PROS1: variants seen among roughly 807,000 people sequenced by gnomAD.
The protein encoded by PROS1 is protein S, also known as vitamin K-dependent protein S.
PROS1 carries 29 observed loss-of-function variants against 75.9 expected under a neutral mutation model. That is an observed-to-expected ratio of 0.38 (90% confidence interval 0.28 to 0.52). The LOEUF is 0.52. Among genes scored for constraint, PROS1 ranks in the 20% least tolerant of loss-of-function variants. The pLI, the probability that PROS1 is intolerant of heterozygous loss-of-function variation, is 0.83. For missense variants in PROS1, 680 were observed against 810.3 expected, an observed-to-expected ratio of 0.84 and a Z score of 1.95; for synonymous variants, 245 against 280.6, an observed-to-expected ratio of 0.87 and a Z score of 1.27.
intron 1 of PROS1, among the ~76,000 whole-genome samples, chr3:93,954,853 C>T (rs1709571618): frequency 6.6e-6 from 1 of 152,172 alleles, no homozygotes; most frequent in Non-Finnish European, 1.5e-5. Flanking sequence ...TATCCAGAAT[C>T]TACAAAGAAC....
At chr3:93,909,844 T>C (rs1340126667) in intron 4 of PROS1, among the ~76,000 whole-genome samples, 1 of 152,116 alleles carries the variant, frequency 6.6e-6, no homozygotes, top group Non-Finnish European at 1.5e-5. Flanking sequence ...ATACATTAGG[T>C]ATTAGTTTAA....
intron 9 of PROS1, among the ~76,000 whole-genome samples, chr3:93,895,232 G>A (rs532157537): frequency 1.8e-4 from 27 of 152,066 alleles, no homozygotes; most frequent in Admixed American, 6.6e-4. Flanking sequence ...ACCCGAGGTT[G>A]GTTAAATCCA....
At chr3:93,939,005 A>T (rs1256334045) in intron 1 of PROS1, among the ~76,000 whole-genome samples, 2 of 151,830 alleles carry the variant, frequency 1.3e-5, no homozygotes, top group African/African-American at 4.8e-5. Flanking sequence ...CTCCTTCACT[A>T]TGGGCAACCT....
At chr3:93,951,261 C>A (rs1010371205) in intron 1 of PROS1, among the ~76,000 whole-genome samples, 1 of 152,120 alleles carries the variant, frequency 6.6e-6, no homozygotes, top group African/African-American at 2.4e-5. Flanking sequence ...AAAGACACTC[C>A]TCGAGAAGAG....
chr3:93,878,873 T>C (rs994614313), intron 13 of PROS1, among the ~76,000 whole-genome samples: 1 of 152,068 alleles, frequency 6.6e-6, no homozygotes, highest in African/African-American at 2.4e-5. Flanking sequence ...CTCGGATGGC[T>C]CCAAGCAGCC....
rs1323948760 is a variant in PROS1 at position 93,910,496 on chromosome 3, C to G, written c.346+123G>C. ...AATGCAGTTTGAAAATACTTCCTTG[C>G]TGGGCATACAACCCATCAAAGGATC... On this transcript the variant is annotated intron_variant, in intron 4 of 14. Transcript: ENST00000394236. 21 of 789,160 alleles carry G rather than the reference C, an allele frequency of 2.7e-5. No homozygotes were observed. In the Admixed American group the frequency reaches 4.2e-4, roughly 16 times the overall value. 48.9% of individuals were successfully genotyped at this position (789,160 alleles called of 1,614,324 possible). A position where few individuals can be genotyped will look rare whatever the true frequency, so the allele number is the denominator to read the frequency against.
At chr3:93,918,604 C>A (rs1367427353) in intron 3 of PROS1, among the ~76,000 whole-genome samples, 1 of 152,126 alleles carries the variant, frequency 6.6e-6, no homozygotes, top group Non-Finnish European at 1.5e-5. Context: ...GTAACACTCA[C>A]CGCGAGGGTC....
At chr3:93,935,697 T>G (rs183338397) in intron 1 of PROS1, among the ~76,000 whole-genome samples, 1 of 152,246 alleles carries the variant, frequency 6.6e-6, no homozygotes, top group African/African-American at 2.4e-5. Flanking sequence ...TTAAAGTGCT[T>G]ATTTGCAAGT....
intron 1 of PROS1, among the ~76,000 whole-genome samples, chr3:93,936,919 T>C (rs1252715341): frequency 6.6e-6 from 1 of 152,196 alleles, no homozygotes; most frequent in Non-Finnish European, 1.5e-5. Flanking sequence ...ATGTTTTTTG[T>C]TTAAAAAATA....
intron 14 of PROS1, among the ~76,000 whole-genome samples, chr3:93,875,266 AT>A (rs1348297494): frequency 2.6e-5 from 4 of 151,946 alleles, no homozygotes; most frequent in Non-Finnish European, 4.4e-5. Flanking sequence ...AAAATCATTC[AT>A]TTCTCTTGGG....
chr3:93,895,912 C>T (rs1386961148), intron 9 of PROS1, among the ~76,000 whole-genome samples: 1 of 151,876 alleles, frequency 6.6e-6, no homozygotes, highest in Non-Finnish European at 1.5e-5. Flanking sequence ...TGCAGTGAGC[C>T]GAGATTGCGC....
chr3:93,889,366 A>G (rs927001954), intron 10 of PROS1, among the ~76,000 whole-genome samples: 1 of 152,208 alleles, frequency 6.6e-6, no homozygotes, highest in Non-Finnish European at 1.5e-5. Context: ...ATTAGCACAT[A>G]GAAGTGCCAA....
At position 93,959,443 on chromosome 3, in the gene PROS1, A is replaced by G. The variant is rs373656036; in HGVS notation, c.76+14231T>C. Among the ~76,000 whole-genome samples, 3 of 152,296 alleles carry G rather than the reference A, an allele frequency of 2.0e-5. No individual in the cohort carries two copies. The East Asian group carries it at 5.8e-4, about 29-fold the overall frequency. Reference sequence around the variant, plus strand: ...ACTGGAGACCTTCTCCACAAGCTGCATTCTCTTGCCATGGTGCTCAGCTTT... The same window carrying G: ...ACTGGAGACCTTCTCCACAAGCTGCGTTCTCTTGCCATGGTGCTCAGCTTT... On this transcript the variant is annotated intron_variant, in intron 1 of 14. Coordinates refer to ENST00000394236, the MANE Select transcript of PROS1 (RefSeq NM_000313.4).
At position 93,879,968 on chromosome 3, in the gene PROS1, C is replaced by T. The variant is rs533461110; in HGVS notation, c.1493-654G>A. On this transcript the variant is annotated intron_variant, in intron 12 of 14. Coordinates refer to ENST00000394236, the MANE Select transcript of PROS1 (RefSeq NM_000313.4). ...ATTGCTTTGTTTTCCCCAGCACTCACTCAATAGATATTTGTTGAATTAATA... is the reference window on the plus strand; with the variant it reads ...ATTGCTTTGTTTTCCCCAGCACTCATTCAATAGATATTTGTTGAATTAATA... 3.3e-4 allele frequency among the ~76,000 whole-genome samples: 50 copies of T among 152,292 alleles called. No individual in the cohort carries two copies. In the South Asian group the frequency reaches 9.3e-3, roughly 28 times the overall value.
At chr3:93,909,222 G>A (rs1011409406) in intron 4 of PROS1, among the ~76,000 whole-genome samples, 1 of 152,094 alleles carries the variant, frequency 6.6e-6, no homozygotes, top group Non-Finnish European at 1.5e-5. Context: ...AGGATTGCTT[G>A]AGGCCAGGAG....
intron 12 of PROS1, among the ~76,000 whole-genome samples, chr3:93,882,727 T>C (rs912354200): frequency 5.9e-5 from 9 of 152,156 alleles, no homozygotes; most frequent in Non-Finnish European, 1.3e-4. Context: ...ATTCACAGGC[T>C]CTTCTCCACA....
At chr3:93,898,791 A>G (rs112264882) in intron 7 of PROS1, among the ~76,000 whole-genome samples, 2 of 152,166 alleles carry the variant, frequency 1.3e-5, no homozygotes, top group African/African-American at 4.8e-5. Context: ...AACAAAAATT[A>G]ATTTATAACT....
intron 12 of PROS1, among the ~76,000 whole-genome samples, chr3:93,882,747 A>G (rs1322864313): frequency 4.6e-5 from 7 of 152,164 alleles, no homozygotes; most frequent in African/African-American, 1.4e-4. Context: ...AGACCTTACC[A>G]TGCACTCAAG....
At chr3:93,890,251 T>A (rs1708413194) in intron 10 of PROS1, among the ~76,000 whole-genome samples, 1 of 152,170 alleles carries the variant, frequency 6.6e-6, no homozygotes, top group Non-Finnish European at 1.5e-5. Flanking sequence ...TGTTTTCTGT[T>A]GTTTAAGATG....
Sources: gnomAD v4.1 joint callset for allele counts (sites outside exome capture counted in the v4.1 genomes callset) on GRCh38, gnomAD v4.1.1 for gene constraint, MANE v1.5 for transcripts, NCBI Gene and HGNC (gene_info 2026-07-23, HGNC 2026-07-21) for gene names.